Variants in CUX1 observed in about 807,000 individuals in gnomAD.
The protein encoded by CUX1 is cut like homeobox 1, also known as protein CASP.
Under a neutral mutation model 158.8 loss-of-function variants are expected in CUX1, and 31 were observed. The ratio of observed to expected loss-of-function variants is 0.20; its 90% CI spans 0.15 to 0.26. CUX1 has a LOEUF of 0.26. Among genes scored for constraint, CUX1 ranks in the 10% least tolerant of loss-of-function variants. The pLI is 1.00. For synonymous variants in CUX1, 879 were observed against 862.1 expected (o/e 1.02, Z -0.34); for missense variants, 1,589 against 2,014.6 (o/e 0.79, Z 4.04).
chr7:102,238,132 G>A (rs542851174), intron 22 of CUX1, among the ~76,000 whole-genome samples: 5 of 152,316 alleles, frequency 3.3e-5, no homozygotes, highest in African/African-American at 1.2e-4. Context: ...CTGCGGGCAA[G>A]CCTGACAATG....
intron 7 of CUX1, among the ~76,000 whole-genome samples, chr7:102,112,304 C>T (rs1448927314): frequency 6.9e-6 from 1 of 143,984 alleles, no homozygotes; most frequent in Non-Finnish European, 1.5e-5. Context: ...TGCAGTGGCA[C>T]GATCTTGACT....
At chr7:101,856,707 C>G (rs1372735171) in intron 1 of CUX1, among the ~76,000 whole-genome samples, 3 of 152,248 alleles carry the variant, frequency 2.0e-5, no homozygotes, top group African/African-American at 7.2e-5. Context: ...CTGCTGAACG[C>G]TGTTTTTTTC....
At chr7:101,847,076 C>T (rs1238906563) in intron 1 of CUX1, among the ~76,000 whole-genome samples, 5 of 152,084 alleles carry the variant, frequency 3.3e-5, no homozygotes, top group Non-Finnish European at 5.9e-5. Flanking sequence ...CCCAGGAGTT[C>T]GCGGCTGCAG....
chr7:102,230,343 A>G (rs1554530227), intron 21 of CUX1, among the ~76,000 whole-genome samples: 2 of 151,670 alleles, frequency 1.3e-5, no homozygotes, highest in Non-Finnish European at 2.9e-5. Flanking sequence ...ATTATTATCC[A>G]GGCATGGTGG....
chr7:101,890,656 G>A (rs1289419388), intron 1 of CUX1, among the ~76,000 whole-genome samples: 4 of 152,242 alleles, frequency 2.6e-5, no homozygotes, highest in East Asian at 3.9e-4. Context: ...AGGTTGGTGC[G>A]AAAATAGCAG....
Position 102,253,698 on chromosome 7 carries a change from C to T in CUX1, c.*4656C>T. ...AGCCTTTGCCTTAAATGCAGTATGA[C>T]AGGCGCTTCTTGGCAGACCAGTAAA... On this transcript the variant is annotated 3_prime_UTR_variant, in exon 24 of 24. Coordinates refer to ENST00000292535, the MANE Select transcript of CUX1 (RefSeq NM_181552.4). The T allele has an allele frequency of 1.0e-6, 1 of 985,498 alleles. No individual in the cohort carries two copies. The highest frequency in any genetic ancestry group is 1.2e-6 in the Non-Finnish European group (1 of 829,974). The allele number at this position is 985,498 out of a possible 1,614,324, so 61.0% of individuals were successfully genotyped here. A position where few individuals can be genotyped will look rare whatever the true frequency, so the allele number is the denominator to read the frequency against.
chr7:102,130,053 G>A (rs1833048370), intron 8 of CUX1, among the ~76,000 whole-genome samples: 2 of 152,192 alleles, frequency 1.3e-5, no homozygotes, highest in Non-Finnish European at 2.9e-5. Context: ...TTCCTTCACG[G>A]CTTGTTTGCC....
chr7:102,071,316 A>G (rs1826102659), intron 4 of CUX1, among the ~76,000 whole-genome samples: 1 of 152,132 alleles, frequency 6.6e-6, no homozygotes, highest in African/African-American at 2.4e-5. Flanking sequence ...TTTGTGAGGC[A>G]TTCTAAGAGG....
chr7:102,119,628 A>G (rs1194987067), intron 8 of CUX1, among the ~76,000 whole-genome samples: 4 of 152,204 alleles, frequency 2.6e-5, no homozygotes, highest in Non-Finnish European at 4.4e-5. Context: ...CTTTGCCAAA[A>G]CAGTTGTTGT....
At chr7:101,899,303 C>T (rs1801890183) in intron 1 of CUX1, among the ~76,000 whole-genome samples, 2 of 152,220 alleles carry the variant, frequency 1.3e-5, no homozygotes, top group African/African-American at 4.8e-5. Flanking sequence ...AATCCCAGCA[C>T]TTTGGGAGGC....
chr7:102,057,190 C>T (rs533838658), intron 3 of CUX1, among the ~76,000 whole-genome samples: 17 of 152,266 alleles, frequency 1.1e-4, no homozygotes, highest in Admixed American at 5.9e-4. Context: ...CATGAGCCAC[C>T]GCGCCTAGCC....
Position 101,850,805 on chromosome 7 carries a change from C to T in CUX1, c.30+33136C>T, listed in dbSNP as rs144058368. On this transcript the variant is annotated intron_variant, in intron 1 of 23. Transcript: ENST00000292535. Reference sequence around the variant, plus strand: ...TTCTGGCCTCAGAAAAGGCTGCCTACGCCTCTCTCTTTCTCAGAATAGTCA... The same window carrying T: ...TTCTGGCCTCAGAAAAGGCTGCCTATGCCTCTCTCTTTCTCAGAATAGTCA... Among the ~76,000 whole-genome samples the T allele has an allele frequency of 1.7e-4, 26 of 152,268 alleles. No homozygotes were observed. The East Asian group carries it at 4.4e-3, about 26-fold the overall frequency.
chr7:101,989,278 A>G (rs192023839), intron 2 of CUX1, among the ~76,000 whole-genome samples: 121 of 152,290 alleles, frequency 7.9e-4, no homozygotes, highest in African/African-American at 2.7e-3. Flanking sequence ...ACGTGTCCCC[A>G]ATGGCACCTC....
intron 20 of CUX1, among the ~76,000 whole-genome samples, chr7:102,281,064 G>C (rs1046094518): frequency 6.6e-6 from 1 of 152,210 alleles, no homozygotes; most frequent in South Asian, 2.1e-4. Context: ...CTGGGCTGTA[G>C]AGGGGGCATT....
At chr7:101,817,328 G>T (rs2042002617), upstream of CUX1, 10 of 984,538 alleles carry the variant, frequency 1.0e-5, no homozygotes, top group Non-Finnish European at 1.2e-5. The surrounding 1 kb of genome is among the most constrained non-coding windows in gnomAD (Gnocchi z 4.1). Flanking sequence ...TGCCCTCTCT[G>T]CAGGGCCCGC....
At chr7:102,167,513 G>A (rs1297127376) in intron 9 of CUX1, among the ~76,000 whole-genome samples, 2 of 152,168 alleles carry the variant, frequency 1.3e-5, no homozygotes, top group African/African-American at 4.8e-5. Context: ...AGTCAGGGTG[G>A]TGAGGCCACC....
chr7:102,118,698 C>G (rs1472914935), intron 8 of CUX1, among the ~76,000 whole-genome samples: 1 of 152,180 alleles, frequency 6.6e-6, no homozygotes, highest in African/African-American at 2.4e-5. Context: ...CCTTTCTGAC[C>G]TGTACAATGG....
At chr7:101,919,257 G>A (rs893380175) in intron 2 of CUX1, among the ~76,000 whole-genome samples, 2 of 151,906 alleles carry the variant, frequency 1.3e-5, no homozygotes, top group Non-Finnish European at 2.9e-5. Context: ...GCACATGTGT[G>A]GAGCCTCAGC....
intron 20 of CUX1, among the ~76,000 whole-genome samples, chr7:102,216,554 A>C (rs1797098946): frequency 3.9e-5 from 4 of 101,582 alleles, no homozygotes; most frequent in Admixed American, 1.1e-4. Flanking sequence ...ACACCCACAC[A>C]CGCACACACA....
Sources: allele counts gnomAD v4.1 joint callset (sites outside exome capture counted in the v4.1 genomes callset), GRCh38; gene constraint gnomAD v4.1.1; non-coding constraint Gnocchi (gnomAD v3.1); transcripts MANE v1.5; gene names NCBI Gene and HGNC (gene_info 2026-07-23, HGNC 2026-07-21).